Variants in DPP6 observed in about 807,000 individuals in gnomAD.
DPP6 encodes the protein dipeptidyl peptidase like 6, also known as A-type potassium channel modulatory protein DPP6.
A neutral mutation model predicts 122.6 loss-of-function variants in DPP6; 69 were observed. The observed-to-expected ratio is 0.56, with a 90% CI of 0.46 to 0.69. The LOEUF (loss-of-function observed/expected upper bound fraction) is 0.69, where lower values mean the gene tolerates loss of function less well. DPP6 is among the 30% of genes least tolerant of loss of function. The pLI is 0.00. For missense variants in DPP6, 928 were observed against 1,116.9 expected (o/e 0.83, Z 2.41); for synonymous variants, 418 against 433.1 (o/e 0.97, Z 0.43).
the DPP6 span, among the ~76,000 whole-genome samples, chr7:153,829,369 C>T: frequency 6.6e-6 from 1 of 152,204 alleles, no homozygotes; most frequent in Admixed American, 6.5e-5. Flanking sequence ...GTGCATGCCA[C>T]CATGCCTGGC....
At chr7:154,691,734 G>A (rs1231287432) in intron 7 of DPP6, among the ~76,000 whole-genome samples, 2 of 152,092 alleles carry the variant, frequency 1.3e-5, no homozygotes, top group Admixed American at 6.5e-5. Flanking sequence ...CAGGAGAATC[G>A]CTTGTGCCCG....
Position 154,060,450 on chromosome 7 carries a change from A to C in DPP6, c.243+7387A>C, listed in dbSNP as rs1320261235. Among the ~76,000 whole-genome samples, 981 of 110,104 alleles carry C rather than the reference A, an allele frequency of 8.9e-3. 120 individuals are homozygous for C. The highest frequency in any genetic ancestry group is 0.036 in the African/African-American group (923 of 25,910). The allele number at this position is 110,104 out of a possible 152,430, so 72.2% of individuals were successfully genotyped here. A position where few individuals can be genotyped will look rare whatever the true frequency, so the allele number is the denominator to read the frequency against. On this transcript the variant is annotated intron_variant, in intron 1 of 25. Coordinates refer to ENST00000377770, the MANE Select transcript of DPP6 (RefSeq NM_130797.4). ...CCGCGAGGCGGGGACTGCGAGCCAG[A>C]CCCTCTTCCCCCTCTGGCTTAGGAC...
intron 23 of DPP6, among the ~76,000 whole-genome samples, chr7:154,888,877 C>T (rs1272291306): frequency 6.6e-6 from 1 of 152,222 alleles, no homozygotes; most frequent in African/African-American, 2.4e-5. Flanking sequence ...TCACATCTTA[C>T]ACAGATGGCA....
intron 1 of DPP6, among the ~76,000 whole-genome samples, chr7:154,386,347 G>A (rs1455858101): frequency 2.0e-5 from 3 of 151,944 alleles, no homozygotes; most frequent in Non-Finnish European, 2.9e-5. Flanking sequence ...ATGAGTAGGA[G>A]GAGGTCACTT....
chr7:154,892,663 C>T lies in DPP6; in HGVS notation c.*183C>T. 8.0e-7 allele frequency: 1 copy of T among 1,250,504 alleles called. No homozygotes were observed. Among genetic ancestry groups the T allele is most frequent in the Non-Finnish European group, 1.1e-6 (1 of 880,136 alleles). 77.5% of individuals were successfully genotyped at this position (1,250,504 alleles called of 1,614,324 possible). On this transcript the variant is annotated 3_prime_UTR_variant, in exon 26 of 26. Coordinates refer to ENST00000377770, the MANE Select transcript of DPP6 (RefSeq NM_130797.4). ...AAACAAGCTCCTTCCCCGGGGTCATCACTCACGGCCTCCATGGCACCAGGG... is the reference window on the plus strand; with the variant it reads ...AAACAAGCTCCTTCCCCGGGGTCATTACTCACGGCCTCCATGGCACCAGGG...
chr7:153,870,054 C>A, the DPP6 span, among the ~76,000 whole-genome samples: 1 of 152,146 alleles, frequency 6.6e-6, no homozygotes, highest in South Asian at 2.1e-4. Context: ...TTGTGGGTAA[C>A]CCTACCTTTC....
At position 154,076,869 on chromosome 7, in the gene DPP6, T is replaced by G. The variant is rs1803592491; in HGVS notation, c.243+23806T>G. Among the ~76,000 whole-genome samples the G allele has an allele frequency of 4.6e-5, 7 of 151,390 alleles. No homozygotes were observed. In the South Asian group the frequency reaches 1.5e-3, roughly 32 times the overall value. ...ATACTTAATGAGGAATACAGCGCTT[T>G]GAAACAGAAACCGAAATAGGTCTCT... On this transcript the variant is annotated intron_variant, in intron 1 of 25. Transcript: ENST00000377770.
chr7:154,244,827 G>C (rs533664649), intron 1 of DPP6, among the ~76,000 whole-genome samples: 2 of 152,054 alleles, frequency 1.3e-5, no homozygotes, highest in African/African-American at 4.8e-5. Flanking sequence ...AGAAATATAT[G>C]AGTATAGGAA....
intron 1 of DPP6, among the ~76,000 whole-genome samples, chr7:153,963,249 G>A (rs1373845535): frequency 6.6e-6 from 1 of 151,918 alleles, no homozygotes; most frequent in African/African-American, 2.4e-5. Flanking sequence ...GAGTGGCCAC[G>A]CTCATAAGGA....
intron 3 of DPP6, among the ~76,000 whole-genome samples, chr7:154,534,285 A>G (rs567977183): frequency 3.9e-5 from 6 of 152,336 alleles, no homozygotes; most frequent in South Asian, 2.1e-4. Flanking sequence ...GTTATATTCA[A>G]TGATGAAAAG....
intron 1 of DPP6, among the ~76,000 whole-genome samples, chr7:154,211,171 T>C (rs11767497): frequency 0.79 from 119,556 of 152,144 alleles, 47,280 homozygotes; most frequent in Middle Eastern, 0.83. Flanking sequence ...CCAGCTCCTT[T>C]CTCTCTTCCT....
chr7:154,657,955 T>C (rs2131028178), intron 6 of DPP6, among the ~76,000 whole-genome samples: 1 of 152,334 alleles, frequency 6.6e-6, no homozygotes, highest in African/African-American at 2.4e-5. Context: ...TTTGTATGAT[T>C]CCAACTATGT....
chr7:154,219,931 T>A (rs4726388), intron 1 of DPP6, among the ~76,000 whole-genome samples: 2 of 152,120 alleles, frequency 1.3e-5, no homozygotes, highest in African/African-American at 4.8e-5. Context: ...CCATTTCATT[T>A]GTGATTCTGT....
At chr7:153,772,531 A>G in the DPP6 span, among the ~76,000 whole-genome samples, 1 of 152,340 alleles carries the variant, frequency 6.6e-6, no homozygotes, top group South Asian at 2.1e-4. Context: ...AACAATAAGC[A>G]AAAATCAGAA....
intron 8 of DPP6, among the ~76,000 whole-genome samples, chr7:154,756,390 C>A (rs1453766978): frequency 6.6e-6 from 1 of 151,966 alleles, no homozygotes; most frequent in Non-Finnish European, 1.5e-5. Flanking sequence ...TGGTCATAAT[C>A]AATGTTTTAT....
chr7:154,535,116 G>GAAAAAGAC (rs890833554), intron 3 of DPP6, among the ~76,000 whole-genome samples: 1 of 152,182 alleles, frequency 6.6e-6, no homozygotes, highest in Admixed American at 6.5e-5. Flanking sequence ...AATTCAGTGG[G>GAAAAAGAC]AAAAAGACAA....
chr7:154,346,524 C>G (rs1007189438), intron 1 of DPP6, among the ~76,000 whole-genome samples: 8 of 152,152 alleles, frequency 5.3e-5, no homozygotes, highest in African/African-American at 1.9e-4. Flanking sequence ...CCAGGCTGCT[C>G]TTGAACTCCT....
intron 1 of DPP6, among the ~76,000 whole-genome samples, chr7:154,152,968 C>T (rs1309184473): frequency 6.6e-6 from 1 of 152,230 alleles, no homozygotes; most frequent in Non-Finnish European, 1.5e-5. Context: ...CATGGCTGGA[C>T]AAGCCAAGCT....
chr7:154,121,005 G>A (rs528555000), intron 1 of DPP6, among the ~76,000 whole-genome samples: 48 of 152,064 alleles, frequency 3.2e-4, no homozygotes, highest in Non-Finnish European at 5.7e-4. Context: ...TGTTCTTGTG[G>A]CAATGAGTTC....
Sources: gnomAD v4.1 joint callset for allele counts (sites outside exome capture counted in the v4.1 genomes callset) on GRCh38, gnomAD v4.1.1 for gene constraint, MANE v1.5 for transcripts, NCBI Gene and HGNC (gene_info 2026-07-23, HGNC 2026-07-21) for gene names.